The following SEMA6D variants were observed in gnomAD, a reference collection of about 807,000 sequenced individuals.
SEMA6D encodes semaphorin-6D.
Under a neutral mutation model 106.6 loss-of-function variants are expected in SEMA6D, and 35 were observed. The ratio of observed to expected loss-of-function variants is 0.33; its 90% CI spans 0.25 to 0.44. The LOEUF is 0.44. Among genes scored for constraint, SEMA6D ranks in the 20% least tolerant of loss-of-function variants. The pLI, the probability that SEMA6D is intolerant of heterozygous loss-of-function variation, is 1.00. For synonymous variants in SEMA6D, 499 were observed against 487.7 expected (o/e 1.02, Z -0.31); for missense variants, 1,185 against 1,345.9 (o/e 0.88, Z 1.87).
At chr15:47,412,935 C>T (rs936977719) in intron 2 of SEMA6D, among the ~76,000 whole-genome samples, 2 of 152,230 alleles carry the variant, frequency 1.3e-5, no homozygotes, top group Non-Finnish European at 2.9e-5. Context: ...TAGGAGATTA[C>T]GTAAAAATGA....
intron 2 of SEMA6D, among the ~76,000 whole-genome samples, chr15:47,443,612 C>G (rs1159502866): frequency 3.9e-5 from 6 of 152,058 alleles, no homozygotes; most frequent in Non-Finnish European, 8.8e-5. Flanking sequence ...TTCTTACAAA[C>G]CATGGGAGAT....
In SEMA6D at chr15:47,475,958, G is replaced by A. The variant is rs2042990411; in HGVS notation, c.-87+5413G>A. ...TTGTCTCATCTATGACAGTGCTGCTGAATGGAGGGCCTATAGTGGGAAGTT... is the reference window on the plus strand; with the variant it reads ...TTGTCTCATCTATGACAGTGCTGCTAAATGGAGGGCCTATAGTGGGAAGTT... On this transcript the variant is annotated intron_variant, in intron 3 of 19. Coordinates refer to the SEMA6D transcript ENST00000558014. 2.0e-5 allele frequency among the ~76,000 whole-genome samples: 3 copies of A among 152,268 alleles called. No individual in the cohort carries two copies. In the South Asian group the frequency reaches 6.2e-4, roughly 32 times the overall value.
chr15:47,329,444 A>G (rs1411686966), intron 1 of SEMA6D, among the ~76,000 whole-genome samples: 3 of 152,228 alleles, frequency 2.0e-5, no homozygotes, highest in African/African-American at 7.2e-5. Context: ...GAAATAGATG[A>G]GAAACTAAAC....
chr15:47,609,717 T>G, intron 4 of SEMA6D, among the ~76,000 whole-genome samples: 1 of 152,212 alleles, frequency 6.6e-6, no homozygotes, highest in East Asian at 1.9e-4. Context: ...TATGCCCTAC[T>G]TGCTCATGCA....
At chr15:47,610,810 C>A (rs561372245) in intron 4 of SEMA6D, among the ~76,000 whole-genome samples, 1 of 152,136 alleles carries the variant, frequency 6.6e-6, no homozygotes, top group South Asian at 2.1e-4. Flanking sequence ...AAATGCCCAA[C>A]ATGATTGTTT....
chr15:47,237,236 T>G (rs2032606864), intron 1 of SEMA6D, among the ~76,000 whole-genome samples: 1 of 152,156 alleles, frequency 6.6e-6, no homozygotes, highest in Non-Finnish European at 1.5e-5. Context: ...TACAAGGAAT[T>G]TAATAAGTTC....
chr15:47,541,335 A>G (rs887814063), intron 3 of SEMA6D, among the ~76,000 whole-genome samples: 9 of 152,214 alleles, frequency 5.9e-5, no homozygotes, highest in South Asian at 2.1e-4. Flanking sequence ...TACAAAGACG[A>G]TATCAGCATA....
intron 3 of SEMA6D, among the ~76,000 whole-genome samples, chr15:47,593,693 G>T (rs1290060021): frequency 6.6e-6 from 1 of 152,070 alleles, no homozygotes; most frequent in Non-Finnish European, 1.5e-5. Context: ...GATTTAATTG[G>T]CTCATTATTC....
intron 3 of SEMA6D, among the ~76,000 whole-genome samples, chr15:47,569,361 A>T (rs749119836): frequency 6.6e-6 from 1 of 152,134 alleles, no homozygotes; most frequent in Non-Finnish European, 1.5e-5. Flanking sequence ...TAGGGGTCTT[A>T]TAAAGCAAAA....
intron 2 of SEMA6D, among the ~76,000 whole-genome samples, chr15:47,424,684 G>A (rs575087103): frequency 3.9e-5 from 6 of 152,242 alleles, no homozygotes; most frequent in African/African-American, 1.4e-4. Context: ...ACTGATGTAG[G>A]TAGAATAAGT....
At chr15:47,211,629 A>G (rs919945830) in intron 1 of SEMA6D, among the ~76,000 whole-genome samples, 1 of 152,210 alleles carries the variant, frequency 6.6e-6, no homozygotes, top group Non-Finnish European at 1.5e-5. Flanking sequence ...CCAAGGCCAT[A>G]TTTATATAAG....
At chr15:47,472,490 A>G (rs2042880947) in intron 3 of SEMA6D, among the ~76,000 whole-genome samples, 1 of 152,190 alleles carries the variant, frequency 6.6e-6, no homozygotes, top group Admixed American at 6.5e-5. Flanking sequence ...CTAGAACTCT[A>G]TTGGAGGAAT....
intron 4 of SEMA6D, among the ~76,000 whole-genome samples, chr15:47,698,756 T>G (rs2078750479): frequency 6.6e-6 from 1 of 152,162 alleles, no homozygotes; most frequent in Non-Finnish European, 1.5e-5. Context: ...TCCTATGAGT[T>G]CTGCTGCAGC....
intron 3 of SEMA6D, among the ~76,000 whole-genome samples, chr15:47,528,940 C>T (rs1596249133): frequency 6.6e-6 from 1 of 152,056 alleles, no homozygotes; most frequent in African/African-American, 2.4e-5. Flanking sequence ...AGTTGCTTAA[C>T]GCATATGTTC....
In SEMA6D at chr15:47,189,113, G is replaced by T. The variant is rs1893776277; in HGVS notation, c.-239+4695G>T. Among the ~76,000 whole-genome samples the T allele has an allele frequency of 2.0e-5, 3 of 152,130 alleles. No individual in the cohort carries two copies. The East Asian group carries it at 5.8e-4, about 29-fold the overall frequency. ...GGAAATAAATGTAGAAAAAGTTATT[G>T]TGATTCCATGGTAGTGGAAACTCCC... On this transcript the variant is annotated intron_variant, in intron 1 of 19. Transcript: ENST00000558014.
chr15:47,453,072 A>G (rs1362722529), intron 2 of SEMA6D, among the ~76,000 whole-genome samples: 1 of 151,920 alleles, frequency 6.6e-6, no homozygotes, highest in African/African-American at 2.4e-5. Flanking sequence ...AATCACTATC[A>G]CTTCCTGTTT....
chr15:47,192,262 C>T (rs1238728532), intron 1 of SEMA6D, among the ~76,000 whole-genome samples: 1 of 152,188 alleles, frequency 6.6e-6, no homozygotes, highest in Non-Finnish European at 1.5e-5. Context: ...TTGACACTCA[C>T]TGCCACATCT....
intron 1 of SEMA6D, among the ~76,000 whole-genome samples, chr15:47,345,585 C>T (rs1181117234): frequency 1.3e-5 from 2 of 151,902 alleles, no homozygotes; most frequent in Non-Finnish European, 1.5e-5. Context: ...AAATATAAAA[C>T]CTAAAACTAT....
At chr15:47,217,905 A>G (rs547758731) in intron 1 of SEMA6D, among the ~76,000 whole-genome samples, 4 of 149,830 alleles carry the variant, frequency 2.7e-5, no homozygotes, top group Admixed American at 1.3e-4. Context: ...ACACACACAC[A>G]CTTTTATAAA....
Sources: gnomAD v4.1 joint callset for allele counts (sites outside exome capture counted in the v4.1 genomes callset) on GRCh38, gnomAD v4.1.1 for gene constraint, MANE v1.5 for transcripts, NCBI Gene and HGNC (gene_info 2026-07-23, HGNC 2026-07-21) for gene names.